The following KIRREL3 variants were observed in gnomAD, a reference collection of about 807,000 sequenced individuals.
KIRREL3 encodes kin of IRRE-like protein 3.
KIRREL3 carries 36 observed loss-of-function variants against 89.7 expected under a neutral mutation model. The ratio of observed to expected loss-of-function variants is 0.40; its 90% CI spans 0.31 to 0.53. The LOEUF (loss-of-function observed/expected upper bound fraction) is 0.53, where lower values mean the gene tolerates loss of function less well. Among genes scored for constraint, KIRREL3 ranks in the 20% least tolerant of loss-of-function variants. KIRREL3 has a pLI of 0.49. For missense variants in KIRREL3, 864 were observed against 1,056.6 expected (o/e 0.82, Z 2.53); for synonymous variants, 445 against 441.4 (o/e 1.01, Z -0.10).
intron 1 of KIRREL3, among the ~76,000 whole-genome samples, chr11:126,810,465 G>C (rs903522359): frequency 3.3e-5 from 5 of 152,118 alleles, no homozygotes; most frequent in Admixed American, 2.6e-4. Context: ...AAACCCCCAA[G>C]TCCCTTTGGA....
intron 1 of KIRREL3, among the ~76,000 whole-genome samples, chr11:126,673,016 G>A (rs73014505): frequency 0.019 from 2,965 of 152,254 alleles, 35 homozygotes; most frequent in South Asian, 0.044. Context: ...GCCCTCCTCC[G>A]TCTCTGGGGA....
chr11:126,818,764 A>G (rs1162182183), intron 1 of KIRREL3, among the ~76,000 whole-genome samples: 5 of 150,468 alleles, frequency 3.3e-5, no homozygotes, highest in Admixed American at 2.7e-4. Context: ...TCTTCTCCCC[A>G]TTGTGTAGAC....
intron 1 of KIRREL3, among the ~76,000 whole-genome samples, chr11:126,592,648 G>A (rs147839204): frequency 4.0e-4 from 61 of 152,346 alleles, no homozygotes; most frequent in African/African-American, 1.4e-3. Flanking sequence ...CCTGCTGTGC[G>A]GGAAACAGCG....
At chr11:126,813,348 T>A (rs575757600) in intron 1 of KIRREL3, among the ~76,000 whole-genome samples, 43 of 152,314 alleles carry the variant, frequency 2.8e-4, no homozygotes, top group African/African-American at 8.7e-4. Context: ...CACCTGTGTA[T>A]GAAACAAATG....
intron 1 of KIRREL3, among the ~76,000 whole-genome samples, chr11:126,806,697 G>A (rs1357052159): frequency 2.0e-5 from 3 of 152,090 alleles, no homozygotes; most frequent in Non-Finnish European, 4.4e-5. Flanking sequence ...TTTAAGTTCT[G>A]GGATACATGT....
Position 126,954,510 on chromosome 11 carries a change from C to G in KIRREL3, c.55+45945G>C, listed in dbSNP as rs1948865424. Among the ~76,000 whole-genome samples the G allele has an allele frequency of 6.6e-6, 1 of 151,988 alleles. No homozygotes were observed. The highest frequency in any genetic ancestry group is 2.1e-4 in the South Asian group (1 of 4,810). On this transcript the variant is annotated intron_variant, in intron 1 of 16. Coordinates refer to ENST00000525144, the MANE Select transcript of KIRREL3 (RefSeq NM_032531.4). This position sits in a 1 kb window ranked among gnomAD's most constrained non-coding sequence, Gnocchi z 4.1. Reference sequence around the variant, plus strand: ...GTTCCTCCTGTCTATCTCCCTCCTCCCCATCCCCTCGTCCTCCTCTAGGCC... The same window carrying G: ...GTTCCTCCTGTCTATCTCCCTCCTCGCCATCCCCTCGTCCTCCTCTAGGCC...
In KIRREL3 at chr11:126,555,736, A is replaced by G. The variant is rs1293723505; in HGVS notation, c.133+7099T>C. Among the ~76,000 whole-genome samples, 6 of 120,332 alleles carry G rather than the reference A, an allele frequency of 5.0e-5. No individual in the cohort carries two copies. Among genetic ancestry groups the G allele is most frequent in the African/African-American group, 2.9e-5 (1 of 34,280 alleles). The allele number at this position is 120,332 out of a possible 152,430, so 78.9% of individuals were successfully genotyped here. A position where few individuals can be genotyped will look rare whatever the true frequency, so the allele number is the denominator to read the frequency against. On this transcript the variant is annotated intron_variant, in intron 2 of 16. Transcript: ENST00000525144. This position sits in a 1 kb window ranked among gnomAD's most constrained non-coding sequence, Gnocchi z 4.2. ...TGGCACCTTGTAGAACATGCTAACA[A>G]TGTGAGCATTTTTTTTTTTTTTGAG...
intron 1 of KIRREL3, among the ~76,000 whole-genome samples, chr11:126,585,140 C>A (rs1941763697): frequency 6.6e-6 from 1 of 150,670 alleles, no homozygotes; most frequent in South Asian, 2.1e-4. Flanking sequence ...AGGATGGTCT[C>A]GATCTCCTGA....
At chr11:127,001,920 G>A (rs568835694), upstream of KIRREL3, among the ~76,000 whole-genome samples, 17 of 152,130 alleles carry the variant, frequency 1.1e-4, no homozygotes, top group East Asian at 3.3e-3. Context: ...GAGAGGAGAG[G>A]AAAATGAAAG....
chr11:126,651,512 A>G lies in KIRREL3; in HGVS notation c.56-88600T>C, dbSNP rs554615003. Among the ~76,000 whole-genome samples, 1 of 152,340 alleles carries G rather than the reference A, an allele frequency of 6.6e-6. No homozygotes were observed. Among genetic ancestry groups the G allele is most frequent in the Admixed American group, 6.5e-5 (1 of 15,296 alleles). On this transcript the variant is annotated intron_variant, in intron 1 of 16. Coordinates refer to ENST00000525144, the MANE Select transcript of KIRREL3 (RefSeq NM_032531.4). The surrounding 1 kb of genome is among the most constrained non-coding windows in gnomAD (Gnocchi z 4.6). Reference sequence around the variant, plus strand: ...GTTAGTCTTAGTTATCCTGGAGCCTAACTGGATCTTGGGAATAAATCTCTT... The same window carrying G: ...GTTAGTCTTAGTTATCCTGGAGCCTGACTGGATCTTGGGAATAAATCTCTT...
chr11:126,597,649 TC>T (rs1565581189), intron 1 of KIRREL3, among the ~76,000 whole-genome samples: 4 of 152,280 alleles, frequency 2.6e-5, no homozygotes. Context: ...CAAGGTTCTC[TC>T]GAGTGCCTTC....
At position 126,490,889 on chromosome 11, in the gene KIRREL3, AG is replaced by A. The variant is rs1957493327; in HGVS notation, c.434-17424del. On this transcript the variant is annotated intron_variant, in intron 4 of 16. Transcript: ENST00000525144. This position sits in a 1 kb window ranked among gnomAD's most constrained non-coding sequence, Gnocchi z 4.2. ...TTCCTTCTGGAGTGCAAGGTCAGGC[AG>A]GGATGCTCATTTGCTCTTAAGGGTG... Among the ~76,000 whole-genome samples, 1 of 152,322 alleles carries A rather than the reference AG, an allele frequency of 6.6e-6. No homozygotes were observed. Among genetic ancestry groups the A allele is most frequent in the East Asian group, 1.9e-4 (1 of 5,182 alleles).
Position 126,999,371 on chromosome 11 carries a change from G to A in KIRREL3, c.55+1084C>T, listed in dbSNP as rs1950259609. On this transcript the variant is annotated intron_variant, in intron 1 of 16. Coordinates refer to ENST00000525144, the MANE Select transcript of KIRREL3 (RefSeq NM_032531.4). This position sits in a 1 kb window ranked among gnomAD's most constrained non-coding sequence, Gnocchi z 5.7. ...TTATATTTGGCTTCTCCCCGACAGGGGAGAAACAGAAGACATGCTGTTTGC... is the reference window on the plus strand; with the variant it reads ...TTATATTTGGCTTCTCCCCGACAGGAGAGAAACAGAAGACATGCTGTTTGC... Among the ~76,000 whole-genome samples, 1 of 152,212 alleles carries A rather than the reference G, an allele frequency of 6.6e-6. No individual in the cohort carries two copies. Among genetic ancestry groups the A allele is most frequent in the Non-Finnish European group, 1.5e-5 (1 of 68,042 alleles).
At chr11:126,973,930 T>C (rs1157023695) in intron 1 of KIRREL3, among the ~76,000 whole-genome samples, 2 of 152,102 alleles carry the variant, frequency 1.3e-5, no homozygotes, top group Admixed American at 1.3e-4. Context: ...TTGTGGTACT[T>C]GCATTTTCTC....
At position 126,608,435 on chromosome 11, in the gene KIRREL3, T is replaced by C. The variant is rs539115041; in HGVS notation, c.56-45523A>G. On this transcript the variant is annotated intron_variant, in intron 1 of 16. Coordinates refer to ENST00000525144, the MANE Select transcript of KIRREL3 (RefSeq NM_032531.4). This position sits in a 1 kb window ranked among gnomAD's most constrained non-coding sequence, Gnocchi z 4.9. ...TCATTAAATTCACTAACCTTGCTTT[T>C]CCACCAGGTTTAGCCCCTGGTGCCC... Among the ~76,000 whole-genome samples the C allele has an allele frequency of 6.5e-4, 99 of 152,126 alleles. No individual in the cohort carries two copies. Among genetic ancestry groups the C allele is most frequent in the African/African-American group, 2.3e-3 (96 of 41,552 alleles).
chr11:126,435,642 G>A (rs956085753), intron 12 of KIRREL3, among the ~76,000 whole-genome samples: 7 of 152,186 alleles, frequency 4.6e-5, no homozygotes, highest in African/African-American at 1.7e-4. Flanking sequence ...GGGATGATGT[G>A]TGGATGATAT....
At chr11:126,934,733 CA>C (rs1481774085) in intron 1 of KIRREL3, among the ~76,000 whole-genome samples, 2 of 152,158 alleles carry the variant, frequency 1.3e-5, no homozygotes, top group African/African-American at 4.8e-5. Context: ...TCTTAAAACT[CA>C]GCAATAAGAA....
chr11:126,451,535 TGA>T (rs146901552), intron 7 of KIRREL3, among the ~76,000 whole-genome samples: 5,576 of 149,140 alleles, frequency 0.037, 158 homozygotes, highest in African/African-American at 0.08. Flanking sequence ...GGTGCATGTG[TGA>T]GAGTGTGCAT....
At chr11:126,426,554 C>T (rs1268650510) in intron 15 of KIRREL3, among the ~76,000 whole-genome samples, 1 of 152,172 alleles carries the variant, frequency 6.6e-6, no homozygotes, top group Non-Finnish European at 1.5e-5. Context: ...CTCTAAATTA[C>T]TGAAAATTAA....
Sources: allele counts gnomAD v4.1 joint callset (sites outside exome capture counted in the v4.1 genomes callset), GRCh38; gene constraint gnomAD v4.1.1; non-coding constraint Gnocchi (gnomAD v3.1); transcripts MANE v1.5; gene names NCBI Gene and HGNC (gene_info 2026-07-23, HGNC 2026-07-21).